LPP: variants seen among roughly 807,000 people sequenced by gnomAD.
The protein encoded by LPP is lipoma-preferred partner.
LPP carries 38 observed loss-of-function variants against 60.4 expected under a neutral mutation model. That is an observed-to-expected ratio of 0.63 (90% CI 0.49 to 0.83). The LOEUF is 0.83. Ranked by LOEUF, LPP falls within the 40% of genes least tolerant of loss-of-function variation. The pLI is 0.00. For synonymous variants in LPP, 328 were observed against 290.8 expected, an observed-to-expected ratio of 1.13 and a Z score of -1.30; for missense variants, 902 against 783.6, an observed-to-expected ratio of 1.15 and a Z score of -1.80.
chr3:188,247,914 G>C (rs1294329277), intron 2 of LPP, among the ~76,000 whole-genome samples: 4 of 151,926 alleles, frequency 2.6e-5, no homozygotes, highest in African/African-American at 9.7e-5. Flanking sequence ...AAATATTCTA[G>C]CCTAGTGGTT....
intron 7 of LPP, among the ~76,000 whole-genome samples, chr3:188,657,406 C>T (rs1279440383): frequency 1.3e-5 from 2 of 151,396 alleles, no homozygotes; most frequent in South Asian, 2.1e-4. Context: ...AATTTTTGCC[C>T]TTATGTTATT....
At chr3:188,300,558 G>C (rs1442142044) in intron 2 of LPP, among the ~76,000 whole-genome samples, 1 of 148,552 alleles carries the variant, frequency 6.7e-6, no homozygotes, top group Non-Finnish European at 1.5e-5. Flanking sequence ...TTTTAGTTAA[G>C]ATCTCAGTTA....
At chr3:188,384,805 A>C (rs1777841116) in intron 3 of LPP, among the ~76,000 whole-genome samples, 1 of 48,480 alleles carries the variant, frequency 2.1e-5, no homozygotes, top group African/African-American at 5.4e-5. Flanking sequence ...AAAAAAAAAA[A>C]AAAAAAAAAA....
At chr3:188,729,993 A>G (rs536249104) in intron 8 of LPP, among the ~76,000 whole-genome samples, 1 of 152,306 alleles carries the variant, frequency 6.6e-6, no homozygotes, top group East Asian at 1.9e-4. Context: ...CTGTCTCCAA[A>G]AAAAGAATAC....
intron 4 of LPP, among the ~76,000 whole-genome samples, chr3:188,468,642 T>C (rs1477183702): frequency 6.6e-6 from 1 of 152,054 alleles, no homozygotes. Flanking sequence ...AGAAGAAGCA[T>C]AATATTGGAG....
At chr3:188,794,984 A>G (rs1229612479) in intron 9 of LPP, among the ~76,000 whole-genome samples, 1 of 152,022 alleles carries the variant, frequency 6.6e-6, no homozygotes. Context: ...AAAATACAAA[A>G]ATTAGCTGGA....
chr3:188,623,042 AAAAAAG>A (rs773896684), intron 7 of LPP, among the ~76,000 whole-genome samples: 47,087 of 140,402 alleles, frequency 0.34, 8,422 homozygotes, highest in East Asian at 0.44. Context: ...AAAAAAAAAA[AAAAAAG>A]AGAGAGCTAA....
chr3:188,604,313 T>C (rs1842004720), intron 6 of LPP, among the ~76,000 whole-genome samples: 1 of 152,188 alleles, frequency 6.6e-6, no homozygotes, highest in Admixed American at 6.6e-5. Context: ...GAATGTACTT[T>C]GTTTTAGTAC....
In LPP at chr3:188,362,244, C is replaced by G. The variant is rs1246846628; in HGVS notation, c.-10+20525C>G. Among the ~76,000 whole-genome samples, 7 of 152,272 alleles carry G rather than the reference C, an allele frequency of 4.6e-5. No homozygotes were observed. In the East Asian group the frequency reaches 1.4e-3, roughly 29 times the overall value. ...AGTGTTTTCAATACGCTAGGCATTT[C>G]TTAAACTATTTATAGCTGAGGTTAT... On this transcript the variant is annotated intron_variant, in intron 3 of 11. Coordinates refer to ENST00000617246, the MANE Select transcript of LPP (RefSeq NM_001375462.1).
chr3:188,520,327 G>A lies in LPP; in HGVS notation c.307-4338G>A, dbSNP rs561112681. 3.3e-5 allele frequency among the ~76,000 whole-genome samples: 5 copies of A among 152,252 alleles called. No individual in the cohort carries two copies. In the East Asian group the frequency reaches 9.7e-4, roughly 29 times the overall value. The stretch of plus-strand genomic sequence containing the variant: ...TTCGTGTACCAGCAGCTGCTACAGC[G>A]ATCAGCTCTGCACAGGTGTGACCTG... On this transcript the variant is annotated intron_variant, in intron 5 of 11. Transcript: ENST00000617246.
rs188496103 is a variant in LPP at position 188,542,165 on chromosome 3, G to C, written c.429+17378G>C. Among the ~76,000 whole-genome samples the C allele has an allele frequency of 7.2e-5, 11 of 152,274 alleles. No homozygotes were observed. The East Asian group carries it at 2.1e-3, about 29-fold the overall frequency. ...TTCTGCCATACCTAGAAACGTGAAT[G>C]TCAACTGTTTGATCTCTCTGAACCT... is the stretch of plus-strand genomic sequence containing the variant. On this transcript the variant is annotated intron_variant, in intron 6 of 11. Transcript: ENST00000617246.
At chr3:188,820,560 A>C (rs1438431327) in intron 9 of LPP, among the ~76,000 whole-genome samples, 2 of 152,170 alleles carry the variant, frequency 1.3e-5, no homozygotes, top group East Asian at 1.9e-4. Flanking sequence ...GAATTCCTAC[A>C]TTCTGTGTGT....
At chr3:188,313,627 A>T (rs1357670531) in intron 2 of LPP, among the ~76,000 whole-genome samples, 1 of 143,896 alleles carries the variant, frequency 6.9e-6, no homozygotes, top group East Asian at 2.1e-4. Context: ...ACAGAGTGAG[A>T]CTCCGTCTCA....
chr3:188,666,116 T>C (rs1338566722), intron 7 of LPP, among the ~76,000 whole-genome samples: 2 of 152,226 alleles, frequency 1.3e-5, no homozygotes, highest in Admixed American at 6.5e-5. Context: ...CATTCATGAG[T>C]AGATGAATAA....
At chr3:188,737,727 T>C (rs988103773) in intron 8 of LPP, among the ~76,000 whole-genome samples, 2 of 152,182 alleles carry the variant, frequency 1.3e-5, no homozygotes, top group South Asian at 4.1e-4. Context: ...GACTTTTGAA[T>C]GTTTAATAGC....
At chr3:188,385,471 A>G (rs546430400) in intron 3 of LPP, among the ~76,000 whole-genome samples, 3 of 152,250 alleles carry the variant, frequency 2.0e-5, no homozygotes, top group Admixed American at 6.5e-5. Context: ...CAAAGCAGAA[A>G]GACTTGCTGT....
chr3:188,581,884 T>G (rs1181392057), intron 6 of LPP, among the ~76,000 whole-genome samples: 1 of 152,156 alleles, frequency 6.6e-6, no homozygotes, highest in African/African-American at 2.4e-5. Context: ...ATTTCCTTTA[T>G]TATCCAACTT....
rs899032372 is a variant in LPP at position 188,572,349 on chromosome 3, G to T, written c.430-36812G>T. 6.6e-6 allele frequency among the ~76,000 whole-genome samples: 1 copy of T among 152,024 alleles called. No individual in the cohort carries two copies. Among genetic ancestry groups the T allele is most frequent in the Non-Finnish European group, 1.5e-5 (1 of 67,992 alleles). ...TTCCGGTTTTGTAATAGCTAATGGT[G>T]TATTTTATAATCAGTAGCATCTTTG... On this transcript the variant is annotated intron_variant, in intron 6 of 11. Coordinates refer to ENST00000617246, the MANE Select transcript of LPP (RefSeq NM_001375462.1). This position sits in a 1 kb window ranked among gnomAD's most constrained non-coding sequence, Gnocchi z 4.1.
intron 2 of LPP, among the ~76,000 whole-genome samples, chr3:188,324,301 T>G (rs1757768907): frequency 1.3e-5 from 2 of 152,212 alleles, no homozygotes; most frequent in Non-Finnish European, 2.9e-5. Flanking sequence ...TCTTGAATGT[T>G]TCTTCTTTAC....
Sources: allele counts gnomAD v4.1 joint callset (sites outside exome capture counted in the v4.1 genomes callset), GRCh38; gene constraint gnomAD v4.1.1; non-coding constraint Gnocchi (gnomAD v3.1); transcripts MANE v1.5; gene names NCBI Gene and HGNC (gene_info 2026-07-23, HGNC 2026-07-21).